Variants in PIK3C2A observed in about 807,000 individuals in gnomAD.
PIK3C2A encodes the protein phosphatidylinositol 4-phosphate 3-kinase C2 domain-containing subunit alpha.
PIK3C2A carries 97 observed loss-of-function variants against 204.5 expected under a neutral mutation model. That is an observed-to-expected ratio of 0.47 (90% CI 0.40 to 0.56). The LOEUF (loss-of-function observed/expected upper bound fraction) is 0.56. Ranked by LOEUF, PIK3C2A falls within the 20% of genes least tolerant of loss-of-function variation. The pLI is 0.00. For missense variants in PIK3C2A, 1,735 were observed against 1,969.2 expected (o/e 0.88, Z 2.25); for synonymous variants, 653 against 664.4 (o/e 0.98, Z 0.26).
At chr11:17,198,209 A>C (rs1402695317) in intron 1 of PIK3C2A, among the ~76,000 whole-genome samples, 1 of 151,820 alleles carries the variant, frequency 6.6e-6, no homozygotes, top group Non-Finnish European at 1.5e-5. Context: ...CCCAGGTTCA[A>C]GCCGATTCTC....
At chr11:17,137,718 C>CT (rs1849921207) in intron 8 of PIK3C2A, among the ~76,000 whole-genome samples, 1 of 152,068 alleles carries the variant, frequency 6.6e-6, no homozygotes, top group African/African-American at 2.4e-5. Flanking sequence ...CTACACTACT[C>CT]TTTAAGTGCC....
intron 14 of PIK3C2A, 80 bp downstream of exon 14, chr11:17,122,622 C>G (rs1849400374): frequency 1.4e-6 from 1 of 719,598 alleles, no homozygotes; most frequent in African/African-American, 1.8e-5. Flanking sequence ...TCTTTAACAA[C>G]CCAAATCATG....
intron 12 of PIK3C2A, among the ~76,000 whole-genome samples, chr11:17,130,536 G>A (rs1483635188): frequency 3.9e-5 from 6 of 152,178 alleles, no homozygotes; most frequent in African/African-American, 1.4e-4. Flanking sequence ...CGGGCACAGT[G>A]GCTCACACCT....
intron 24 of PIK3C2A, among the ~76,000 whole-genome samples, chr11:17,102,268 C>G (rs1848660491): frequency 6.6e-6 from 1 of 152,034 alleles, no homozygotes; most frequent in Admixed American, 6.6e-5. Flanking sequence ...AACCCCGTCT[C>G]TACTAAAAAT....
At position 17,119,445 on chromosome 11, in the gene PIK3C2A, TTTC is replaced by T. The variant is rs1188631332; in HGVS notation, c.2847-135_2847-133del. On this transcript the variant is annotated intron_variant, in intron 16 of 32. Coordinates refer to ENST00000691414, the MANE Select transcript of PIK3C2A (RefSeq NM_002645.4). ...ATCTCTTTTATTCAAAAGCAATGTATTTCTTCTTTTTGTAAGAAGACAATCTTA... is the reference window on the plus strand; with the variant it reads ...ATCTCTTTTATTCAAAAGCAATGTATTTCTTTTTGTAAGAAGACAATCTTA... 25 of 659,242 alleles carry T rather than the reference TTTC, an allele frequency of 3.8e-5. No individual in the cohort carries two copies. The African/African-American group carries it at 4.6e-4, about 12-fold the overall frequency. 40.8% of individuals were successfully genotyped at this position (659,242 alleles called of 1,614,324 possible). A position where few individuals can be genotyped will look rare whatever the true frequency, so the allele number is the denominator to read the frequency against.
At chr11:17,146,011 A>G in intron 6 of PIK3C2A, 69 bp from the exon 7 acceptor site, 1 of 1,091,526 alleles carries the variant, frequency 9.2e-7, no homozygotes, top group Non-Finnish European at 1.4e-6. Flanking sequence ...AATTAAATAT[A>G]GTTAAGTGTA....
Position 17,168,897 on chromosome 11 carries a change from T to C in PIK3C2A, c.845A>G (p.Asp282Gly), listed in dbSNP as rs1293039936. The change falls in exon 2 of 33, where the codon GAT becomes GGT. Residue 282 changes from aspartate (D) to glycine (G), a missense_variant. Transcript: ENST00000691414. Reference protein sequence around the residue: ...DLDPLSKPKVDNVEVLDHEEE... With the variant: ...DLDPLSKPKVGNVEVLDHEEE... ...CTCATGGTCTAATACCTCCACATTA[T>C]CCACCTTAGGCTTACTTAGAGGATC... 6.2e-7 allele frequency: 1 copy of C among 1,614,152 alleles called. No individual in the cohort carries two copies. Among genetic ancestry groups the C allele is most frequent in the Non-Finnish European group, 8.5e-7 (1 of 1,180,004 alleles).
At chr11:17,131,611 C>T (rs185178492) in intron 12 of PIK3C2A, among the ~76,000 whole-genome samples, 16 of 151,960 alleles carry the variant, frequency 1.1e-4, no homozygotes, top group South Asian at 4.2e-4. Flanking sequence ...TTAGTAGAGA[C>T]GGGGTTTCAC....
chr11:17,136,851 A>T (rs1004887692), intron 8 of PIK3C2A, among the ~76,000 whole-genome samples: 1 of 152,242 alleles, frequency 6.6e-6, no homozygotes, highest in African/African-American at 2.4e-5. Flanking sequence ...ATTCATATGC[A>T]AATTGCTATT....
intron 1 of PIK3C2A, among the ~76,000 whole-genome samples, chr11:17,202,548 T>C (rs1407849013): frequency 6.6e-6 from 1 of 151,874 alleles, no homozygotes; most frequent in Non-Finnish European, 1.5e-5. Flanking sequence ...CACTCCAGCC[T>C]GAGCGACACA....
intron 1 of PIK3C2A, among the ~76,000 whole-genome samples, chr11:17,190,998 A>C (rs138014889): frequency 3.9e-5 from 6 of 152,342 alleles, no homozygotes; most frequent in Non-Finnish European, 8.8e-5. Context: ...GTGAAGCCCA[A>C]GCAGGATAAA....
chr11:17,179,214 T>C (rs973961152), intron 1 of PIK3C2A, among the ~76,000 whole-genome samples: 5 of 152,144 alleles, frequency 3.3e-5, no homozygotes, highest in Admixed American at 6.5e-5. Flanking sequence ...CAGGCTGAAG[T>C]GCAGCGGCTC....
intron 1 of PIK3C2A, among the ~76,000 whole-genome samples, chr11:17,186,767 T>C (rs1419614066): frequency 6.6e-6 from 1 of 152,248 alleles, no homozygotes; most frequent in East Asian, 1.9e-4. Flanking sequence ...AGTTCATGTC[T>C]GCTTGGGGAT....
intron 17 of PIK3C2A, 99 bp from the exon 18 acceptor site, chr11:17,118,838 C>G (rs1565253974): frequency 1.1e-5 from 7 of 613,292 alleles, no homozygotes; most frequent in African/African-American, 3.8e-5. Context: ...AAGTATTACT[C>G]TTACTGATGA....
chr11:17,178,503 G>A (rs1191117585), intron 1 of PIK3C2A, among the ~76,000 whole-genome samples: 1 of 151,992 alleles, frequency 6.6e-6, no homozygotes, highest in African/African-American at 2.4e-5. Flanking sequence ...TGTTATTCTG[G>A]GGGAGAACAA....
intron 19 of PIK3C2A, 121 bp from the exon 20 acceptor site, chr11:17,114,586 G>A: frequency 1.8e-6 from 1 of 541,814 alleles, no homozygotes. Flanking sequence ...AAAAAAGGTT[G>A]TTACTAAAGA....
intron 1 of PIK3C2A, among the ~76,000 whole-genome samples, chr11:17,188,593 G>C (rs969134432): frequency 6.8e-6 from 1 of 146,786 alleles, no homozygotes; most frequent in Non-Finnish European, 1.5e-5. Context: ...AGGTAAAGCT[G>C]AGTAGTCTAA....
At position 17,114,160 on chromosome 11, in the gene PIK3C2A, A is replaced by AT. The variant is rs1277699196; in HGVS notation, c.3321+200dup. Among the ~76,000 whole-genome samples the AT allele has an allele frequency of 2.4e-4, 37 of 151,946 alleles. 1 individual carries two copies. The highest frequency in any genetic ancestry group is 2.9e-5 in the Non-Finnish European group (2 of 67,986). The stretch of plus-strand genomic sequence containing the variant: ...AAAATGAAGCCCAAGGCAGTAAATA[A>AT]TTTTATACTTTTTTTTTCCCAGGAA... On this transcript the variant is annotated intron_variant, in intron 20 of 32. Coordinates refer to ENST00000691414, the MANE Select transcript of PIK3C2A (RefSeq NM_002645.4).
At chr11:17,163,137 C>T (rs1212449043) in intron 2 of PIK3C2A, among the ~76,000 whole-genome samples, 1 of 152,104 alleles carries the variant, frequency 6.6e-6, no homozygotes, top group Non-Finnish European at 1.5e-5. Context: ...GTAACCCCAA[C>T]TCTACTAAAA....
Sources: gnomAD v4.1 joint callset for allele counts (sites outside exome capture counted in the v4.1 genomes callset) on GRCh38, gnomAD v4.1.1 for gene constraint, MANE v1.5 for transcripts, NCBI Gene and HGNC (gene_info 2026-07-23, HGNC 2026-07-21) for gene names.